Variants in DAAM2 observed in about 807,000 individuals in gnomAD.
DAAM2 encodes dishevelled associated activator of morphogenesis 2.
A neutral mutation model predicts 120.7 loss-of-function variants in DAAM2; 39 were observed. That is an observed-to-expected ratio of 0.32 (90% CI 0.25 to 0.42). The LOEUF is 0.42. Ranked by LOEUF, DAAM2 falls within the 10% of genes least tolerant of loss-of-function variation. The pLI is 1.00. For missense variants in DAAM2, 1,283 were observed against 1,401.7 expected, an observed-to-expected ratio of 0.92 and a Z score of 1.35; for synonymous variants, 488 against 524.9, an observed-to-expected ratio of 0.93 and a Z score of 0.96.
intron 3 of DAAM2, among the ~76,000 whole-genome samples, chr6:39,863,406 C>A (rs564841498): frequency 6.6e-6 from 1 of 152,258 alleles, no homozygotes; most frequent in South Asian, 2.1e-4. Context: ...AGCAGCTTTT[C>A]TACTGGTCTA....
At chr6:39,859,495 G>A (rs930751653) in intron 2 of DAAM2, among the ~76,000 whole-genome samples, 2 of 152,118 alleles carry the variant, frequency 1.3e-5, no homozygotes, top group South Asian at 2.1e-4. Context: ...GTGAACTGAT[G>A]GGTATTATTT....
At chr6:39,899,090 G>C in intron 22 of DAAM2, 153 bp downstream of exon 22, 2 of 645,620 alleles carry the variant, frequency 3.1e-6, no homozygotes, top group Non-Finnish European at 5.5e-6. Flanking sequence ...GATTACTGGG[G>C]CTTAAGTTTG....
rs557127998 is a variant in DAAM2 at position 39,901,434 on chromosome 6, A to G, written c.2944A>G (p.Lys982Glu). 8.9e-5 allele frequency: 143 copies of G among 1,612,402 alleles called. No homozygotes were observed. The highest frequency in any genetic ancestry group is 3.6e-4 in the South Asian group (33 of 91,016). ...RQDLEAMRRR[K>E]EEEERRARME... Reference sequence around the variant, plus strand: ...GGATCTAGAGGCCATGAGGAGGAGGAAGGAGGAGGAGGAGCGGCGGGCGCG... The same window carrying G: ...GGATCTAGAGGCCATGAGGAGGAGGGAGGAGGAGGAGGAGCGGCGGGCGCG... The change falls in exon 24 of 25, where the codon AAG (lysine) becomes GAG (glutamate). Residue 982 changes from lysine to glutamate, a missense_variant. Around this residue, in one of 3 missense-constraint regions of DAAM2, gnomAD observed 748 missense variants for 768.6 expected, o/e 0.97. Transcript: ENST00000274867. The surrounding 1 kb of genome is among the most constrained non-coding windows in gnomAD (Gnocchi z 4.5).
rs1562035749 is a variant in DAAM2 at position 39,864,518 on chromosome 6, G to GC, written c.333+15dup. On this transcript the variant is annotated intron_variant, in intron 4 of 24. Coordinates refer to ENST00000274867, the MANE Select transcript of DAAM2 (RefSeq NM_001201427.2). ...AATTCCATGGCTGCGGTGAGTGGCT[G>GC]CCCCTCTCCTGCCCTGCCCCCACCT... is the stretch of plus-strand genomic sequence containing the variant. 1 of 1,604,298 alleles carries GC rather than the reference G, an allele frequency of 6.2e-7. No homozygotes were observed. Among genetic ancestry groups the GC allele is most frequent in the African/African-American group, 1.3e-5 (1 of 74,806 alleles).
intron 10 of DAAM2, 136 bp downstream of exon 10, chr6:39,873,491 G>T (rs1764746966): frequency 3.0e-6 from 2 of 661,934 alleles, no homozygotes; most frequent in Non-Finnish European, 2.7e-6. Flanking sequence ...TGGGAGGGCA[G>T]GCCCCATGAC....
intron 11 of DAAM2, among the ~76,000 whole-genome samples, chr6:39,876,791 T>C (rs1426863866): frequency 3.3e-5 from 5 of 152,162 alleles, no homozygotes; most frequent in Non-Finnish European, 7.3e-5. Flanking sequence ...TTCTTTTCTC[T>C]GTTCTATTTA....
At chr6:39,888,638 G>A (rs1187165273) in intron 16 of DAAM2, 41 bp from the exon 17 acceptor site, 1 of 1,587,408 alleles carries the variant, frequency 6.3e-7, no homozygotes, top group Non-Finnish European at 8.6e-7. Flanking sequence ...GGAGAAGAAG[G>A]TTTGAGGGCT....
chr6:39,832,766 C>A (rs1333206285), intron 1 of DAAM2, among the ~76,000 whole-genome samples: 2 of 152,170 alleles, frequency 1.3e-5, no homozygotes, highest in Non-Finnish European at 2.9e-5. Context: ...CTGCAGTTCT[C>A]CACGGAGCTG....
At chr6:39,850,738 A>G (rs756334194) in intron 1 of DAAM2, among the ~76,000 whole-genome samples, 3 of 152,230 alleles carry the variant, frequency 2.0e-5, no homozygotes, top group African/African-American at 2.4e-5. Context: ...AATTATCAGT[A>G]TAATACCTGG....
chr6:39,826,264 A>ATT (rs11390604), intron 1 of DAAM2, among the ~76,000 whole-genome samples: 163 of 150,864 alleles, frequency 1.1e-3, no homozygotes, highest in Admixed American at 6.7e-3. Context: ...TTAGTAGCAG[A>ATT]TTTTTTTTTT....
intron 14 of DAAM2, among the ~76,000 whole-genome samples, chr6:39,881,198 A>G (rs1765101164): frequency 6.6e-6 from 1 of 151,886 alleles, no homozygotes; most frequent in Admixed American, 6.6e-5. Context: ...CAGATTGCCC[A>G]GGGGCCCAGA....
chr6:39,796,616 C>T (rs1761708486), intron 1 of DAAM2, among the ~76,000 whole-genome samples: 1 of 49,918 alleles, frequency 2.0e-5, no homozygotes, highest in Non-Finnish European at 5.0e-5. Flanking sequence ...TGGGGTCCCC[C>T]TCCAAAAAAA....
intron 1 of DAAM2, among the ~76,000 whole-genome samples, chr6:39,853,562 T>C (rs1304962176): frequency 6.6e-6 from 1 of 152,178 alleles, no homozygotes; most frequent in East Asian, 1.9e-4. Flanking sequence ...GTCAGAGCAA[T>C]CATGGCTGTA....
intron 1 of DAAM2, among the ~76,000 whole-genome samples, chr6:39,798,883 T>C (rs1199039314): frequency 6.6e-6 from 1 of 152,180 alleles, no homozygotes; most frequent in Non-Finnish European, 1.5e-5. Flanking sequence ...ATTGAACACA[T>C]TGCATTACCG....
At chr6:39,899,428 C>T in intron 22 of DAAM2, 2 of 168,116 alleles carry the variant, frequency 1.2e-5, no homozygotes, top group Non-Finnish European at 1.3e-5. Context: ...TTCCAGAAAA[C>T]ACCAGTAGAG....
chr6:39,841,922 A>T (rs1226017547), intron 1 of DAAM2, among the ~76,000 whole-genome samples: 1 of 152,202 alleles, frequency 6.6e-6, no homozygotes, highest in Non-Finnish European at 1.5e-5. Flanking sequence ...TACATGCAAG[A>T]TGCCTTTTGT....
chr6:39,807,834 T>C (rs1245021548), intron 1 of DAAM2, among the ~76,000 whole-genome samples: 1 of 152,170 alleles, frequency 6.6e-6, no homozygotes, highest in Admixed American at 6.5e-5. Flanking sequence ...TTATTATTTA[T>C]ATTTTTTAGA....
At chr6:39,828,149 G>T (rs1401437124) in intron 1 of DAAM2, among the ~76,000 whole-genome samples, 1 of 152,168 alleles carries the variant, frequency 6.6e-6, no homozygotes, top group Non-Finnish European at 1.5e-5. Flanking sequence ...AGCCCTGACT[G>T]GTTCAGTTTT....
In DAAM2 at chr6:39,878,628, C is replaced by A; in HGVS notation, c.1545+40C>A. 6.4e-7 allele frequency: 1 copy of A among 1,557,588 alleles called. No individual in the cohort carries two copies. Among genetic ancestry groups the A allele is most frequent in the Non-Finnish European group, 8.7e-7 (1 of 1,150,502 alleles). Reference sequence around the variant, plus strand: ...CCCCCTTTACATAGTTGAGCCAAGACCCTGGGCTTCAGGACTGGGTGGGCA... The same window carrying A: ...CCCCCTTTACATAGTTGAGCCAAGAACCTGGGCTTCAGGACTGGGTGGGCA... On this transcript the variant is annotated intron_variant, in intron 13 of 24. Coordinates refer to ENST00000274867, the MANE Select transcript of DAAM2 (RefSeq NM_001201427.2). The surrounding 1 kb of genome is among the most constrained non-coding windows in gnomAD (Gnocchi z 5.0).
Sources: gnomAD v4.1 joint callset for allele counts (sites outside exome capture counted in the v4.1 genomes callset) on GRCh38, gnomAD v4.1.1 for gene constraint, gnomAD v4.1.1 regional missense constraint, Gnocchi (gnomAD v3.1) non-coding constraint, MANE v1.5 for transcripts, NCBI Gene and HGNC (gene_info 2026-07-23, HGNC 2026-07-21) for gene names.